The following SLC8A3 variants were observed in gnomAD, a reference collection of about 807,000 sequenced individuals.
SLC8A3 encodes the protein solute carrier family 8 member A3.
Under a neutral mutation model 65.4 loss-of-function variants are expected in SLC8A3, and 37 were observed. The ratio of observed to expected loss-of-function variants is 0.57; its 90% confidence interval spans 0.44 to 0.74. The LOEUF (loss-of-function observed/expected upper bound fraction) is 0.74, where lower values mean the gene tolerates loss of function less well. Among genes scored for constraint, SLC8A3 ranks in the 30% least tolerant of loss-of-function variants. The pLI is 0.00. For synonymous variants in SLC8A3, 461 were observed against 444.5 expected, an observed-to-expected ratio of 1.04 and a Z score of -0.47; for missense variants, 1,112 against 1,172.1, an observed-to-expected ratio of 0.95 and a Z score of 0.75.
intron 2 of SLC8A3, among the ~76,000 whole-genome samples, chr14:70,070,595 G>A (rs1889921765): frequency 6.6e-6 from 1 of 152,178 alleles, no homozygotes; most frequent in South Asian, 2.1e-4. Context: ...CACAAGTGCT[G>A]CTTCCAAAGG....
At chr14:70,102,750 T>A (rs1162352581) in intron 2 of SLC8A3, among the ~76,000 whole-genome samples, 1 of 152,008 alleles carries the variant, frequency 6.6e-6, no homozygotes, top group East Asian at 1.9e-4. Context: ...TCAAGATAAA[T>A]TGTCCAATCT....
At position 70,167,608 on chromosome 14, in the gene SLC8A3, C is replaced by A; in HGVS notation, c.815G>T (p.Gly272Val). The change falls in exon 2 of 7, where the codon GGA becomes GTA. Residue 272 changes from glycine (G) to valine (V), a missense_variant. Transcript: ENST00000356921. ...GTCACCCTCTGTCTCTATGATAATT[C>A]CTCGGTGTTTGTCTGTGCGGTACTT... ...HKKYRTDKHR[G>V]IIIETEGDHP... 1.2e-6 allele frequency: 2 copies of A among 1,614,152 alleles called. No individual in the cohort carries two copies. The highest frequency in any genetic ancestry group is 1.7e-6 in the Non-Finnish European group (2 of 1,180,022).
At chr14:70,174,937 A>T (rs1259387767) in intron 1 of SLC8A3, among the ~76,000 whole-genome samples, 1 of 152,118 alleles carries the variant, frequency 6.6e-6, no homozygotes, top group Non-Finnish European at 1.5e-5. Context: ...CTTTTAATGT[A>T]GAGAATGTTG....
intron 1 of SLC8A3, among the ~76,000 whole-genome samples, chr14:70,180,582 C>A (rs980407498): frequency 5.9e-5 from 9 of 152,184 alleles, no homozygotes; most frequent in Non-Finnish European, 1.2e-4. Context: ...CTTCCTGTCT[C>A]ACTGGGGAGA....
chr14:70,066,386 T>C (rs1276007277), intron 2 of SLC8A3, among the ~76,000 whole-genome samples: 2 of 152,214 alleles, frequency 1.3e-5, no homozygotes, highest in Non-Finnish European at 2.9e-5. Flanking sequence ...GGCACCATCA[T>C]CTAACAAATT....
At chr14:70,136,785 C>T (rs969198895) in intron 2 of SLC8A3, among the ~76,000 whole-genome samples, 1 of 152,178 alleles carries the variant, frequency 6.6e-6, no homozygotes, top group African/African-American at 2.4e-5. Context: ...ATACAAGTGC[C>T]TGAGGGCATG....
chr14:70,142,648 T>C (rs901533258), intron 2 of SLC8A3, among the ~76,000 whole-genome samples: 3 of 152,200 alleles, frequency 2.0e-5, no homozygotes, highest in African/African-American at 7.2e-5. Context: ...CTTTTGATGA[T>C]TGCACTAGAA....
chr14:70,054,997 G>A (rs1489547961), intron 3 of SLC8A3, among the ~76,000 whole-genome samples: 2 of 151,980 alleles, frequency 1.3e-5, no homozygotes, highest in Non-Finnish European at 2.9e-5. Context: ...AAGAGTTATA[G>A]TATTGCTAGA....
At chr14:70,116,357 ATG>A (rs1893663919) in intron 2 of SLC8A3, among the ~76,000 whole-genome samples, 3 of 103,878 alleles carry the variant, frequency 2.9e-5, no homozygotes, top group African/African-American at 1.2e-4. Context: ...GTGTGTGTGT[ATG>A]TGTGTGCACG....
At chr14:70,149,742 A>G (rs997272850) in intron 2 of SLC8A3, among the ~76,000 whole-genome samples, 1 of 152,166 alleles carries the variant, frequency 6.6e-6, no homozygotes, top group Admixed American at 6.5e-5. Flanking sequence ...GACTTTGCCC[A>G]TCCTCCTCCC....
At chr14:70,075,315 C>T (rs1890397698) in intron 2 of SLC8A3, among the ~76,000 whole-genome samples, 1 of 152,160 alleles carries the variant, frequency 6.6e-6, no homozygotes, top group South Asian at 2.1e-4. Flanking sequence ...TTCTCTCTCA[C>T]CAGAGGAACT....
chr14:70,070,651 T>C (rs1889927874), intron 2 of SLC8A3, among the ~76,000 whole-genome samples: 1 of 152,168 alleles, frequency 6.6e-6, no homozygotes, highest in South Asian at 2.1e-4. Context: ...CTCTACCACA[T>C]ACCATTCCAT....
At position 70,152,556 on chromosome 14, in the gene SLC8A3, C is replaced by A. The variant is rs140986888; in HGVS notation, c.1784+14083G>T. 2.6e-3 allele frequency among the ~76,000 whole-genome samples: 391 copies of A among 152,114 alleles called. 4 individuals carry two copies. The highest frequency in any genetic ancestry group is 9.1e-3 in the African/African-American group (379 of 41,496). On this transcript the variant is annotated intron_variant, in intron 2 of 6. Coordinates refer to ENST00000356921, the MANE Select transcript of SLC8A3 (RefSeq NM_182932.3). ...TTTTTTTTTCCCTCTCCCTTCTAAC[C>A]CCCAGGAGGGCTGGAAAGACCAAGG...
intron 2 of SLC8A3, among the ~76,000 whole-genome samples, chr14:70,155,412 T>C (rs1350515976): frequency 2.0e-5 from 3 of 152,214 alleles, no homozygotes; most frequent in Non-Finnish European, 4.4e-5. Flanking sequence ...ATAACTACAA[T>C]TCTACTCTCT....
chr14:70,057,959 G>A (rs928438336), intron 3 of SLC8A3, among the ~76,000 whole-genome samples: 3 of 152,184 alleles, frequency 2.0e-5, no homozygotes, highest in African/African-American at 4.8e-5. Flanking sequence ...AGGCCCAACA[G>A]TCTTGATTAT....
chr14:70,046,114 A>G lies in SLC8A3; in HGVS notation c.2599T>C (p.Phe867Leu). 1 of 1,614,158 alleles carries G rather than the reference A, an allele frequency of 6.2e-7. No individual in the cohort carries two copies. The highest frequency in any genetic ancestry group is 1.1e-5 in the South Asian group (1 of 91,080). ...TACAAGAGCACGCTGATGCAGACAA[A>G]TGCAAAGATGGTGAAGAGGGTGACG... ...FSVTLFTIFA[F>L]VCISVLLYRR... The change falls in exon 7 of 7, where the codon TTT (phenylalanine) becomes CTT (leucine). Residue 867 changes from phenylalanine to leucine, a missense_variant. By Grantham distance (22) the Phe-to-Leu change is conservative. Transcript: ENST00000356921. The surrounding 1 kb of genome is among the most constrained non-coding windows in gnomAD (Gnocchi z 4.2).
intron 1 of SLC8A3, among the ~76,000 whole-genome samples, chr14:70,177,386 G>T (rs1384652940): frequency 6.6e-6 from 1 of 152,160 alleles, no homozygotes; most frequent in Non-Finnish European, 1.5e-5. Flanking sequence ...ACACTTCACT[G>T]GAGAACAGTG....
At chr14:70,131,588 G>C (rs992252698) in intron 2 of SLC8A3, among the ~76,000 whole-genome samples, 1 of 152,208 alleles carries the variant, frequency 6.6e-6, no homozygotes, top group South Asian at 2.1e-4. Context: ...GACAAAATCA[G>C]ACATCAGCCC....
At chr14:70,123,739 C>T (rs1003820111) in intron 2 of SLC8A3, among the ~76,000 whole-genome samples, 10 of 152,232 alleles carry the variant, frequency 6.6e-5, no homozygotes, top group South Asian at 2.1e-4. Context: ...CGTGAGCCAC[C>T]GTGCCCAGCC....
Sources: allele counts gnomAD v4.1 joint callset (sites outside exome capture counted in the v4.1 genomes callset), GRCh38; gene constraint gnomAD v4.1.1; non-coding constraint Gnocchi (gnomAD v3.1); transcripts MANE v1.5; gene names NCBI Gene and HGNC (gene_info 2026-07-23, HGNC 2026-07-21).